Variants in CTNNA2 observed in about 807,000 individuals in gnomAD.
The protein encoded by CTNNA2 is catenin alpha-2.
Under a neutral mutation model 101.0 loss-of-function variants are expected in CTNNA2, and 42 were observed. The ratio of observed to expected loss-of-function variants is 0.42; its 90% CI spans 0.32 to 0.54. The LOEUF is 0.54. CTNNA2 is among the 20% of genes least tolerant of loss of function. CTNNA2 has a pLI of 0.14. For missense variants in CTNNA2, 871 were observed against 1,223.1 expected (o/e 0.71, Z 4.29); for synonymous variants, 450 against 456.4 (o/e 0.99, Z 0.18).
chr2:79,650,546 C>T (rs994865007), intron 1 of CTNNA2, among the ~76,000 whole-genome samples: 13 of 151,388 alleles, frequency 8.6e-5, no homozygotes, highest in African/African-American at 3.2e-4. Context: ...TTGCTTCCTG[C>T]TATTCTTTGT....
At chr2:80,407,815 G>A (rs1679201803) in intron 8 of CTNNA2, among the ~76,000 whole-genome samples, 1 of 152,202 alleles carries the variant, frequency 6.6e-6, no homozygotes, top group Admixed American at 6.5e-5. Flanking sequence ...TTCAGCAGCT[G>A]TTGGAAATGC....
At chr2:79,829,198 A>C (rs1678672543) in intron 3 of CTNNA2, among the ~76,000 whole-genome samples, 1 of 152,240 alleles carries the variant, frequency 6.6e-6, no homozygotes, top group South Asian at 2.1e-4. Context: ...GGAATACAGA[A>C]GGAAATTGCT....
intron 3 of CTNNA2, among the ~76,000 whole-genome samples, chr2:79,801,846 G>A (rs1271893667): frequency 1.3e-5 from 2 of 151,896 alleles, no homozygotes; most frequent in East Asian, 3.9e-4. Flanking sequence ...ATAAAAATTA[G>A]CCAGGCGTGG....
At chr2:79,881,215 G>A (rs1327387514) in intron 6 of CTNNA2, among the ~76,000 whole-genome samples, 3 of 152,168 alleles carry the variant, frequency 2.0e-5, no homozygotes, top group Non-Finnish European at 4.4e-5. Flanking sequence ...TTGCCAAGGA[G>A]TGTTTTACTT....
At chr2:80,306,400 T>TTTTC (rs58501778) in intron 7 of CTNNA2, among the ~76,000 whole-genome samples, 13,610 of 108,710 alleles carry the variant, frequency 0.13, 951 homozygotes, top group East Asian at 0.15. Context: ...TTTTCTTTTC[T>TTTTC]TTTCTTTCTT....
At chr2:80,121,896 C>A (rs1266006439) in intron 7 of CTNNA2, among the ~76,000 whole-genome samples, 1 of 152,094 alleles carries the variant, frequency 6.6e-6, no homozygotes, top group African/African-American at 2.4e-5. Context: ...ATCAGACATG[C>A]CCCTTGGAAA....
intron 7 of CTNNA2, among the ~76,000 whole-genome samples, chr2:80,055,147 C>G (rs1396427258): frequency 6.6e-6 from 1 of 152,034 alleles, no homozygotes; most frequent in Non-Finnish European, 1.5e-5. Flanking sequence ...TCTGCCCCAC[C>G]TCTCAAATAG....
intron 3 of CTNNA2, among the ~76,000 whole-genome samples, chr2:79,778,430 T>G (rs762514677): frequency 6.6e-6 from 1 of 152,198 alleles, no homozygotes; most frequent in Non-Finnish European, 1.5e-5. Context: ...CTAATTTTTC[T>G]CATTTAATGT....
At chr2:79,833,973 C>A (rs1330622639) in intron 3 of CTNNA2, among the ~76,000 whole-genome samples, 1 of 152,068 alleles carries the variant, frequency 6.6e-6, no homozygotes, top group Non-Finnish European at 1.5e-5. Flanking sequence ...ATTCCTTGTT[C>A]CATTGGACAC....
intron 2 of CTNNA2, among the ~76,000 whole-genome samples, chr2:79,289,586 A>G (rs1303118415): frequency 6.6e-6 from 1 of 152,022 alleles, no homozygotes; most frequent in African/African-American, 2.4e-5. Context: ...CTCTACTAAA[A>G]ATACAAAAAT....
At chr2:79,716,256 A>G (rs1440597485) in intron 2 of CTNNA2, among the ~76,000 whole-genome samples, 2 of 152,138 alleles carry the variant, frequency 1.3e-5, no homozygotes, top group Non-Finnish European at 2.9e-5. Context: ...ATTTTATGTC[A>G]TTGATTTATT....
rs369456419 is a variant in CTNNA2, at chr2:79,420,517, C to T, written c.-135+46504C>T. On this transcript the variant is annotated intron_variant, in intron 4 of 21. Coordinates refer to the CTNNA2 transcript ENST00000466387. ...TAACTGACTTCTGGGCTCTGTGGTACAGTTAACAAACCAGTAGAGGATAGA... is the reference window on the plus strand; with the variant it reads ...TAACTGACTTCTGGGCTCTGTGGTATAGTTAACAAACCAGTAGAGGATAGA... 1.6e-4 allele frequency among the ~76,000 whole-genome samples: 25 copies of T among 152,282 alleles called. No homozygotes were observed. The East Asian group carries it at 2.7e-3, about 16-fold the overall frequency.
intron 3 of CTNNA2, among the ~76,000 whole-genome samples, chr2:79,802,155 C>T (rs375911488): frequency 6.6e-6 from 1 of 152,030 alleles, no homozygotes; most frequent in South Asian, 2.1e-4. Context: ...TTGGTGCCAC[C>T]AGCAAAGACC....
At chr2:79,448,650 CA>C (rs1218558697) in intron 4 of CTNNA2, among the ~76,000 whole-genome samples, 2 of 151,954 alleles carry the variant, frequency 1.3e-5, no homozygotes, top group Admixed American at 6.6e-5. Flanking sequence ...AGTAGGCTGA[CA>C]AAATACAAAG....
intron 7 of CTNNA2, among the ~76,000 whole-genome samples, chr2:80,186,803 C>CT (rs1558884715): frequency 6.6e-6 from 1 of 152,146 alleles, no homozygotes; most frequent in Non-Finnish European, 1.5e-5. Flanking sequence ...CACATCCACA[C>CT]TTTTTTCTTA....
chr2:80,573,517 C>T (rs1018590913), intron 12 of CTNNA2, among the ~76,000 whole-genome samples: 1 of 152,092 alleles, frequency 6.6e-6, no homozygotes, highest in Non-Finnish European at 1.5e-5. Context: ...ACACTCCTTC[C>T]CCATCTTCCC....
At chr2:79,201,978 G>C (rs1315109099) in intron 2 of CTNNA2, among the ~76,000 whole-genome samples, 1 of 152,146 alleles carries the variant, frequency 6.6e-6, no homozygotes, top group Non-Finnish European at 1.5e-5. Flanking sequence ...CACTAGTTCA[G>C]TCCGGTAATA....
At chr2:80,164,939 G>GTTTTTTTT (rs774573996) in intron 7 of CTNNA2, among the ~76,000 whole-genome samples, 4 of 99,272 alleles carry the variant, frequency 4.0e-5, no homozygotes, top group Admixed American at 9.7e-5. Flanking sequence ...CCAACTTTTG[G>GTTTTTTTT]TTTTTTTTTT....
chr2:79,889,727 C>G (rs1684173344), intron 6 of CTNNA2, among the ~76,000 whole-genome samples: 1 of 152,178 alleles, frequency 6.6e-6, no homozygotes, highest in South Asian at 2.1e-4. Context: ...GACGTGTTGG[C>G]CAGACATCTT....
Sources: allele counts gnomAD v4.1 joint callset (sites outside exome capture counted in the v4.1 genomes callset), GRCh38; gene constraint gnomAD v4.1.1; transcripts MANE v1.5; gene names NCBI Gene and HGNC (gene_info 2026-07-23, HGNC 2026-07-21).